Variants in CTDSP1 observed in about 807,000 individuals in gnomAD.
The protein encoded by CTDSP1 is CTD small phosphatase 1, also known as carboxy-terminal domain RNA polymerase II polypeptide A small phosphatase 1.
In CTDSP1, 15 loss-of-function variants were observed where a neutral mutation model predicts 32.5. The observed-to-expected ratio is 0.46, with a 90% CI of 0.31 to 0.71. CTDSP1 has a LOEUF of 0.71. Among genes scored for constraint, CTDSP1 ranks in the 30% least tolerant of loss-of-function variants. CTDSP1 has a pLI of 0.05. For missense variants in CTDSP1, 294 were observed against 351.1 expected, an observed-to-expected ratio of 0.84 and a Z score of 1.30; for synonymous variants, 185 against 145.4, an observed-to-expected ratio of 1.27 and a Z score of -1.96.
intron 4 of CTDSP1, 56 bp from the exon 5 acceptor site, chr2:218,402,979 G>A (rs767958426): frequency 2.4e-5 from 33 of 1,354,106 alleles, no homozygotes; most frequent in East Asian, 1.9e-4. Flanking sequence ...GCCAGCCCTC[G>A]GCCACCCCCA....
chr2:218,398,393 G>A (rs1696930066), upstream of CTDSP1: 15 of 1,535,154 alleles, frequency 9.8e-6, no homozygotes, highest in South Asian at 4.8e-5. Context: ...AGCGTGTGGC[G>A]ATCACGGTGA....
chr2:218,397,908 G>T (rs993796335), upstream of CTDSP1, among the ~76,000 whole-genome samples: 2 of 152,210 alleles, frequency 1.3e-5, no homozygotes, highest in Admixed American at 1.3e-4. Context: ...CCTGGGAAAA[G>T]AACTGCACGG....
Position 218,400,557 on chromosome 2 carries a change from C to A in CTDSP1, c.67+400C>A, listed in dbSNP as rs186575073. ...CCGCCCCACCCCCCACCCCCACCCC[C>A]CCGGGCTGCGGTCCGGTAGGGTCTT... is the stretch of plus-strand genomic sequence containing the variant. On this transcript the variant is annotated intron_variant, in intron 1 of 6. Transcript: ENST00000273062. The A allele has an allele frequency of 1.4e-3, 527 of 375,496 alleles. 1 individual carries two copies. Among genetic ancestry groups the A allele is most frequent in the African/African-American group, 9.5e-3 (449 of 47,412 alleles). The allele number at this position is 375,496 out of a possible 1,614,324, so 23.3% of individuals were successfully genotyped here. A position where few individuals can be genotyped will look rare whatever the true frequency, so the allele number is the denominator to read the frequency against.
rs1254822107 is a variant in CTDSP1, at chr2:218,405,310, ACTG to A, written c.*888_*890del. On this transcript the variant is annotated 3_prime_UTR_variant, in exon 7 of 7. Coordinates refer to ENST00000273062, the MANE Select transcript of CTDSP1 (RefSeq NM_021198.3). ...GGGAAAGGATTTTTACATTTTTTAAACTGCTATTTTCTGAATGGAACAAGCTGG... is the reference window on the plus strand; with the variant it reads ...GGGAAAGGATTTTTACATTTTTTAAACTATTTTCTGAATGGAACAAGCTGG... 4.6e-5 allele frequency: 7 copies of A among 152,598 alleles called. No homozygotes were observed. Among genetic ancestry groups the A allele is most frequent in the Non-Finnish European group, 7.3e-5 (5 of 68,064 alleles). 9.5% of individuals were successfully genotyped at this position (152,598 alleles called of 1,614,324 possible).
rs944343191 is a variant in CTDSP1, at chr2:218,402,924, C to T, written c.379-111C>T. Reference sequence around the variant, plus strand: ...TAGCTGGCCAAGCGGAGCCTGCGGGCCCAGTCTCCTTCCTGTGCGCCTCTG... The same window carrying T: ...TAGCTGGCCAAGCGGAGCCTGCGGGTCCAGTCTCCTTCCTGTGCGCCTCTG... On this transcript the variant is annotated intron_variant, in intron 4 of 6. Transcript: ENST00000273062. The T allele has an allele frequency of 2.4e-5, 19 of 783,230 alleles. No homozygotes were observed. In the African/African-American group the frequency reaches 3.2e-4, roughly 13 times the overall value. 48.5% of individuals were successfully genotyped at this position (783,230 alleles called of 1,614,324 possible).
Position 218,400,045 on chromosome 2 carries a change from G to C in CTDSP1, c.-46G>C. The C allele has an allele frequency of 1.6e-6, 2 of 1,248,994 alleles. No individual in the cohort carries two copies. Among genetic ancestry groups the C allele is most frequent in the Non-Finnish European group, 2.0e-6 (2 of 981,572 alleles). The allele number at this position is 1,248,994 out of a possible 1,614,324, so 77.4% of individuals were successfully genotyped here. A position where few individuals can be genotyped will look rare whatever the true frequency, so the allele number is the denominator to read the frequency against. ...TCCGGCCCCAGCCGGGGGGGAGGCC[G>C]GGCGCCCGGGCCAGAGTCCGGCCGG... is the stretch of plus-strand genomic sequence containing the variant. On this transcript the variant is annotated 5_prime_UTR_variant, in exon 1 of 7. Transcript: ENST00000273062.
chr2:218,399,853 C>T (rs933329611), upstream of CTDSP1: 10 of 1,230,868 alleles, frequency 8.1e-6, no homozygotes, highest in Non-Finnish European at 1.0e-5. Context: ...GAAACGGCGC[C>T]TGGGTTCCAT....
Position 218,404,692 on chromosome 2 carries a change from T to C in CTDSP1, c.*267T>C. On this transcript the variant is annotated 3_prime_UTR_variant, in exon 7 of 7. Coordinates refer to ENST00000273062, the MANE Select transcript of CTDSP1 (RefSeq NM_021198.3). Reference sequence around the variant, plus strand: ...CTGGGGGGCCCTGCCTGCTGCTCCCTTTTTCTGTCTCTGTCCATGCTGCCA... The same window carrying C: ...CTGGGGGGCCCTGCCTGCTGCTCCCCTTTTCTGTCTCTGTCCATGCTGCCA... The C allele has an allele frequency of 1.4e-5, 6 of 415,790 alleles. No individual in the cohort carries two copies. The highest frequency in any genetic ancestry group is 1.2e-4 in the South Asian group (3 of 25,092). 25.8% of individuals were successfully genotyped at this position (415,790 alleles called of 1,614,324 possible).
rs775687462 is a variant in CTDSP1, at chr2:218,403,324, C to T, written c.564C>T (p.Tyr188=). The change falls in exon 6 of 7, where the codon TAC becomes TAT. Residue 188 remains tyrosine, a synonymous_variant. Coordinates refer to ENST00000273062, the MANE Select transcript of CTDSP1 (RefSeq NM_021198.3). ...CCTGCGTCTTCCACCGGGGGAACTA[C>T]GTGAAGGACCTGAGCCGGTTGGGTC... ...RESCVFHRGN[Y]VKDLSRLGRD... is the part of the protein sequence containing the mutation. The T allele has an allele frequency of 3.1e-6, 5 of 1,614,036 alleles. No homozygotes were observed. Among genetic ancestry groups the T allele is most frequent in the East Asian group, 4.5e-5 (2 of 44,892 alleles).
chr2:218,400,431 C>T, intron 1 of CTDSP1: 1 of 552,760 alleles, frequency 1.8e-6, no homozygotes, highest in South Asian at 1.8e-5. Flanking sequence ...GGTTTCCTGG[C>T]AGGCATTGCG....
At chr2:218,403,554 T>C (rs570925712) in intron 6 of CTDSP1, 137 bp downstream of exon 6, 1 of 723,628 alleles carries the variant, frequency 1.4e-6, no homozygotes, top group Non-Finnish European at 2.2e-6. Context: ...TCATTGCCTG[T>C]GCCTGCCGCC....
chr2:218,397,280 T>A (rs1696865053), upstream of CTDSP1, among the ~76,000 whole-genome samples: 1 of 152,192 alleles, frequency 6.6e-6, no homozygotes, highest in Non-Finnish European at 1.5e-5. Flanking sequence ...AGGCGTCTAC[T>A]TAGAGCTGCC....
rs1161807633 is a variant in CTDSP1 at position 218,401,687 on chromosome 2, TGGA to T, written c.196_198del (p.Glu66del). 6.3e-6 allele frequency: 10 copies of T among 1,595,412 alleles called. No individual in the cohort carries two copies. The highest frequency in any genetic ancestry group is 4.5e-5 in the East Asian group (2 of 44,676). ...GCTCACAGCGGGGCGCCCCTGCTTG[TGGA>T]GGAGAATGGCGCCATCCCTAAGGTG... is the stretch of plus-strand genomic sequence containing the variant. On this transcript the variant is annotated inframe_deletion, in exon 2 of 7. Coordinates refer to ENST00000273062, the MANE Select transcript of CTDSP1 (RefSeq NM_021198.3).
upstream of CTDSP1, chr2:218,396,417 C>T (rs949091215): frequency 5.2e-5 from 8 of 152,454 alleles, no homozygotes; most frequent in Non-Finnish European, 8.8e-5. Context: ...GGCCAACAGG[C>T]CTTTCCCTAG....
rs767602823 is a variant in CTDSP1 at position 218,403,358 on chromosome 2, C to G, written c.598C>G (p.Arg200Gly). The G allele has an allele frequency of 6.2e-7, 1 of 1,613,398 alleles. No homozygotes were observed. The highest frequency in any genetic ancestry group is 1.3e-5 in the African/African-American group (1 of 74,942). ...KDLSRLGRDL[R>G]RVLILDNSPA... ...CCTGAGCCGGTTGGGTCGAGACCTG[C>G]GGCGGGTGCTCATCCTGGACAATTC... The change falls in exon 6 of 7, where the codon CGG (arginine) becomes GGG (glycine). Residue 200 changes from arginine to glycine, a missense_variant. Physicochemically the swap from Arg to Gly is moderately radical, Grantham distance 125. This residue lies in a region of CTDSP1 where 146 missense variants were observed against 237.7 expected (regional missense o/e 0.61). Transcript: ENST00000273062.
chr2:218,399,258 G>C (rs1222982096), upstream of CTDSP1: 1 of 152,246 alleles, frequency 6.6e-6, no homozygotes, highest in Admixed American at 6.5e-5. Flanking sequence ...GGTCGGCAGG[G>C]GGCTTTCCCA....
chr2:218,398,320 G>C, upstream of CTDSP1: 1 of 1,152,778 alleles, frequency 8.7e-7, no homozygotes, highest in Non-Finnish European at 1.2e-6. Context: ...TAAGAAGGAG[G>C]CCGTTCTAAG....
chr2:218,398,214 G>A (rs1360640267), upstream of CTDSP1: 4 of 577,520 alleles, frequency 6.9e-6, no homozygotes, highest in African/African-American at 5.9e-5. Context: ...CAGATGTCCC[G>A]CTCCCAGGCT....
upstream of CTDSP1, chr2:218,398,310 TAAG>T (rs1299776870): frequency 4.6e-6 from 5 of 1,084,854 alleles, no homozygotes; most frequent in Admixed American, 4.1e-5. Context: ...TGAAATGGGT[TAAG>T]AAGGAGGCCG....
Sources: allele counts gnomAD v4.1 joint callset (sites outside exome capture counted in the v4.1 genomes callset), GRCh38; gene constraint gnomAD v4.1.1; regional missense constraint gnomAD v4.1.1; transcripts MANE v1.5; gene names NCBI Gene and HGNC (gene_info 2026-07-23, HGNC 2026-07-21).